Variants in GRIK2 observed in about 807,000 individuals in gnomAD.
GRIK2 encodes glutamate ionotropic receptor kainate type subunit 2.
A neutral mutation model predicts 100.3 loss-of-function variants in GRIK2; 32 were observed. The observed-to-expected ratio is 0.32, with a 90% CI of 0.24 to 0.43. The LOEUF is 0.43. Ranked by LOEUF, GRIK2 falls within the 20% of genes least tolerant of loss-of-function variation. The pLI is 1.00. For missense variants in GRIK2, 843 were observed against 1,114.9 expected, an observed-to-expected ratio of 0.76 and a Z score of 3.47; for synonymous variants, 417 against 389.4, an observed-to-expected ratio of 1.07 and a Z score of -0.83.
chr6:101,920,827 G>C (rs1234980924), intron 12 of GRIK2, among the ~76,000 whole-genome samples: 1 of 151,010 alleles, frequency 6.6e-6, no homozygotes, highest in Non-Finnish European at 1.5e-5. Flanking sequence ...GAAGAATCTT[G>C]AATTCCATGT....
intron 14 of GRIK2, among the ~76,000 whole-genome samples, chr6:101,988,156 TGCGC>T (rs1562091419): frequency 8.2e-4 from 5 of 6,098 alleles, no homozygotes; most frequent in South Asian, 0.019. Flanking sequence ...CGCGCGCGCG[TGCGC>T]GCACATGCAA....
At chr6:101,658,522 A>G (rs1174817466) in intron 4 of GRIK2, among the ~76,000 whole-genome samples, 1 of 152,178 alleles carries the variant, frequency 6.6e-6, no homozygotes, top group Non-Finnish European at 1.5e-5. Flanking sequence ...ATACGTGTGC[A>G]TGTGTCTTTA....
At chr6:101,872,697 C>A (rs1388387797) in intron 11 of GRIK2, among the ~76,000 whole-genome samples, 1 of 151,898 alleles carries the variant, frequency 6.6e-6, no homozygotes, top group South Asian at 2.1e-4. Flanking sequence ...GTACTCACCT[C>A]ACATTGTATC....
chr6:101,806,686 G>A (rs1781030502), intron 9 of GRIK2, among the ~76,000 whole-genome samples: 1 of 149,688 alleles, frequency 6.7e-6, no homozygotes. Context: ...TTGGCATAGA[G>A]TAATAGAAAC....
chr6:101,860,889 A>T, intron 11 of GRIK2: 1 of 808,126 alleles, frequency 1.2e-6, no homozygotes, highest in Non-Finnish European at 1.5e-6. Flanking sequence ...TATTTCTCAG[A>T]TATTAGGAGA....
At chr6:101,774,334 A>G (rs910313705) in intron 7 of GRIK2, among the ~76,000 whole-genome samples, 1 of 152,210 alleles carries the variant, frequency 6.6e-6, no homozygotes, top group Non-Finnish European at 1.5e-5. Context: ...TGAGCTGCAA[A>G]TATCAAGATA....
intron 12 of GRIK2, among the ~76,000 whole-genome samples, chr6:101,909,377 T>TTTTTTGTTG (rs1554284509): frequency 1.7e-5 from 2 of 116,154 alleles, no homozygotes; most frequent in African/African-American, 6.2e-5. Context: ...TAGGGTTTTC[T>TTTTTTGTTG]TTTTCTTTTT....
At chr6:102,065,215 T>C (rs1035039682) in intron 16 of GRIK2, among the ~76,000 whole-genome samples, 6 of 151,300 alleles carry the variant, frequency 4.0e-5, no homozygotes, top group African/African-American at 1.5e-4. Flanking sequence ...TTTACAATTT[T>C]GAGATAGTTG....
chr6:101,418,420 G>A (rs1388329280), intron 2 of GRIK2, among the ~76,000 whole-genome samples: 1 of 152,138 alleles, frequency 6.6e-6, no homozygotes, highest in African/African-American at 2.4e-5. Flanking sequence ...GTGGGGTGAA[G>A]ATAGTTTTTC....
intron 2 of GRIK2, among the ~76,000 whole-genome samples, chr6:101,592,588 C>CATATATATATATCTATATATAT (rs1778709811): frequency 9.8e-6 from 1 of 101,940 alleles, no homozygotes; most frequent in Non-Finnish European, 1.9e-5. Context: ...ACTAATATCA[C>CATATATATATATCTATATATAT]ATATATATAT....
rs1170799590 is a variant in GRIK2 at position 102,069,615 on chromosome 6, C to G, written c.*1104C>G. On this transcript the variant is annotated 3_prime_UTR_variant, in exon 17 of 17. Coordinates refer to ENST00000369134, the MANE Select transcript of GRIK2 (RefSeq NM_021956.5). ...CAATACAGTCACAATGTTAAATGAACAAAATTCTTGAACAGTTTTTTTTCA... is the reference window on the plus strand; with the variant it reads ...CAATACAGTCACAATGTTAAATGAAGAAAATTCTTGAACAGTTTTTTTTCA... 6.6e-6 allele frequency: 1 copy of G among 151,604 alleles called. No homozygotes were observed. The highest frequency in any genetic ancestry group is 1.5e-5 in the Non-Finnish European group (1 of 67,850). 9.4% of individuals were successfully genotyped at this position (151,604 alleles called of 1,614,324 possible).
intron 11 of GRIK2, among the ~76,000 whole-genome samples, chr6:101,883,526 T>G (rs1052718288): frequency 1.3e-5 from 2 of 152,048 alleles, no homozygotes; most frequent in Non-Finnish European, 2.9e-5. Context: ...CAATGTCTGT[T>G]TATGGCACAT....
intron 2 of GRIK2, among the ~76,000 whole-genome samples, chr6:101,520,812 C>T (rs1774844837): frequency 6.6e-6 from 1 of 152,028 alleles, no homozygotes; most frequent in South Asian, 2.1e-4. Flanking sequence ...GACATGATTG[C>T]AGTGCCATGA....
chr6:101,934,802 T>C (rs1214794226), intron 14 of GRIK2, among the ~76,000 whole-genome samples: 2 of 151,958 alleles, frequency 1.3e-5, no homozygotes, highest in Non-Finnish European at 2.9e-5. Flanking sequence ...ATTGCAACGA[T>C]AGTGTGCTTT....
At chr6:101,858,469 C>G (rs1028394322) in intron 10 of GRIK2, among the ~76,000 whole-genome samples, 2 of 148,134 alleles carry the variant, frequency 1.4e-5, no homozygotes, top group African/African-American at 5.0e-5. Flanking sequence ...TCAGTGCAAG[C>G]TCCGCCTCCC....
Position 101,897,657 on chromosome 6 carries a change from T to C in GRIK2, c.1748+7794T>C, listed in dbSNP as rs146317863. ...TCTAGTAAAGACAGGCGACATCTTTTATATGAACATATACCTTTAAAAAGT... is the reference window on the plus strand; with the variant it reads ...TCTAGTAAAGACAGGCGACATCTTTCATATGAACATATACCTTTAAAAAGT... On this transcript the variant is annotated intron_variant, in intron 12 of 16. Transcript: ENST00000369134. Among the ~76,000 whole-genome samples the C allele has an allele frequency of 2.5e-3, 382 of 152,024 alleles. 2 individuals are homozygous for C. The highest frequency in any genetic ancestry group is 8.2e-3 in the African/African-American group (341 of 41,534).
At chr6:101,747,375 A>G (rs1159282636) in intron 7 of GRIK2, among the ~76,000 whole-genome samples, 1 of 152,162 alleles carries the variant, frequency 6.6e-6, no homozygotes, top group Non-Finnish European at 1.5e-5. Context: ...CAGTTTTTCC[A>G]TTATGTCCTG....
intron 14 of GRIK2, among the ~76,000 whole-genome samples, chr6:101,946,784 A>G (rs766832906): frequency 4.5e-4 from 68 of 152,218 alleles, no homozygotes; most frequent in South Asian, 8.3e-4. Flanking sequence ...ATGGAGGCAG[A>G]GTGGTATTGT....
intron 15 of GRIK2, 49 bp downstream of exon 15, chr6:102,035,615 T>C (rs1266768892): frequency 2.6e-6 from 3 of 1,139,886 alleles, no homozygotes; most frequent in Non-Finnish European, 3.9e-6. Context: ...TCTGAGTTGC[T>C]GTAAGACAGG....
Sources: allele counts gnomAD v4.1 joint callset (sites outside exome capture counted in the v4.1 genomes callset), GRCh38; gene constraint gnomAD v4.1.1; transcripts MANE v1.5; gene names NCBI Gene and HGNC (gene_info 2026-07-23, HGNC 2026-07-21).